The following INSL6 variants were observed in gnomAD, a reference collection of about 807,000 sequenced individuals.
INSL6 encodes the protein insulin-like peptide INSL6.
INSL6 carries 16 observed loss-of-function variants against 9.4 expected under a neutral mutation model. The observed-to-expected ratio is 1.70, with a 90% confidence interval of 1.15 to 2.59. The LOEUF is 2.59. Ranked by LOEUF, INSL6 falls within the 30% of genes most tolerant of loss-of-function variation. The probability of loss-of-function intolerance (pLI) is 0.00; values close to 1 mark genes in which losing one functional copy is unlikely to be tolerated. For synonymous variants in INSL6, 154 were observed against 96.9 expected, an observed-to-expected ratio of 1.59 and a Z score of -3.46; for missense variants, 391 against 257.3, an observed-to-expected ratio of 1.52 and a Z score of -3.56.
At chr9:5,161,884 C>G (rs1824935301), downstream of INSL6, among the ~76,000 whole-genome samples, 1 of 151,752 alleles carries the variant, frequency 6.6e-6, no homozygotes, top group Non-Finnish European at 1.5e-5. Context: ...GCCCGGAGAC[C>G]AGCCTGGGCA....
the INSL6 span, among the ~76,000 whole-genome samples, chr9:5,002,970 A>T: frequency 6.6e-6 from 1 of 151,986 alleles, no homozygotes; most frequent in Non-Finnish European, 1.5e-5. Context: ...CCAGTTGACT[A>T]AGCCACATGT....
the INSL6 span, among the ~76,000 whole-genome samples, chr9:5,005,115 T>TAGG: frequency 2.1e-5 from 2 of 94,556 alleles, no homozygotes; most frequent in African/African-American, 8.8e-5. Flanking sequence ...TTTTTTTTTT[T>TAGG]TTTTTTTTTT....
chr9:5,088,979 C>G, the INSL6 span, among the ~76,000 whole-genome samples: 2 of 152,322 alleles, frequency 1.3e-5, no homozygotes, highest in South Asian at 4.1e-4. Context: ...CACATTCCAT[C>G]CAGATCACTG....
chr9:5,099,439 T>C, the INSL6 span: 5 of 152,216 alleles, frequency 3.3e-5, no homozygotes, highest in Non-Finnish European at 7.3e-5. Context: ...GATCCATTAT[T>C]ATCCTGTCAA....
intron 1 of INSL6, among the ~76,000 whole-genome samples, chr9:5,173,968 A>T (rs1027645155): frequency 1.3e-5 from 2 of 152,132 alleles, no homozygotes; most frequent in Admixed American, 6.5e-5. Flanking sequence ...CCAAATTTTT[A>T]AATTCATCTC....
the INSL6 span, among the ~76,000 whole-genome samples, chr9:5,007,266 C>G: frequency 6.6e-6 from 1 of 152,084 alleles, no homozygotes; most frequent in South Asian, 2.1e-4. Context: ...TTAGTATACA[C>G]TTTTACTGCG....
At chr9:5,101,766 G>C in the INSL6 span, among the ~76,000 whole-genome samples, 2 of 152,190 alleles carry the variant, frequency 1.3e-5, no homozygotes, top group South Asian at 2.1e-4. Context: ...ACAGAGTCTG[G>C]AGTGGACCTC....
At chr9:5,183,909 G>C (rs193104403) in intron 1 of INSL6, among the ~76,000 whole-genome samples, 50 of 152,172 alleles carry the variant, frequency 3.3e-4, no homozygotes, top group Non-Finnish European at 6.3e-4. Context: ...ACTCAGAGTC[G>C]GTAAATTAAC....
intron 3 of INSL6, chr9:5,126,859 TG>T: frequency 1.2e-6 from 1 of 866,230 alleles, no homozygotes. Context: ...CACATTGCTG[TG>T]GACTATTATT....
the INSL6 span, chr9:5,080,834 A>G: frequency 2.1e-6 from 1 of 468,306 alleles, no homozygotes; most frequent in Admixed American, 3.6e-5. Context: ...TTCATGCTTT[A>G]TACATATTCT....
the INSL6 span, among the ~76,000 whole-genome samples, chr9:5,016,231 A>G: frequency 6.6e-6 from 1 of 152,220 alleles, no homozygotes; most frequent in Non-Finnish European, 1.5e-5. Flanking sequence ...GAAGTGAAGT[A>G]TCTCCTGCCT....
At chr9:4,999,960 T>C in the INSL6 span, among the ~76,000 whole-genome samples, 1 of 152,224 alleles carries the variant, frequency 6.6e-6, no homozygotes, top group Admixed American at 6.5e-5. Flanking sequence ...ATTGGCATTC[T>C]TCTTGTTTAC....
chr9:5,085,071 C>G, the INSL6 span: 3 of 688,478 alleles, frequency 4.4e-6, no homozygotes, highest in Non-Finnish European at 8.0e-6. Flanking sequence ...GTTTACTGCT[C>G]TCTCTTATTG....
At chr9:5,044,499 C>A in the INSL6 span, 1 of 1,601,932 alleles carries the variant, frequency 6.2e-7, no homozygotes, top group South Asian at 1.1e-5. Flanking sequence ...ATGACTTTGT[C>A]ATGTCTTACC....
chr9:5,066,820 C>T, the INSL6 span: 1 of 954,002 alleles, frequency 1.0e-6, no homozygotes, highest in Non-Finnish European at 1.5e-6. Context: ...AGTGGTAACA[C>T]TTTATTTAGT....
At chr9:5,153,141 GT>G (rs57869658) in intron 2 of INSL6, among the ~76,000 whole-genome samples, 14,493 of 146,894 alleles carry the variant, frequency 0.099, 2,170 homozygotes, top group African/African-American at 0.33. Context: ...GCTAGCTGCA[GT>G]TTTTTTTTTT....
the INSL6 span, among the ~76,000 whole-genome samples, chr9:5,044,087 C>G: frequency 6.6e-6 from 1 of 152,126 alleles, no homozygotes; most frequent in Non-Finnish European, 1.5e-5. Flanking sequence ...TTTCAGATTC[C>G]CTACTGATGT....
the INSL6 span, among the ~76,000 whole-genome samples, chr9:5,020,677 C>T: frequency 6.6e-6 from 1 of 152,172 alleles, no homozygotes; most frequent in South Asian, 2.1e-4. Flanking sequence ...GCAATGGTGG[C>T]AGCTGTAGGT....
intron 2 of INSL6, among the ~76,000 whole-genome samples, chr9:5,150,020 G>T (rs1824680320): frequency 6.6e-6 from 1 of 152,158 alleles, no homozygotes; most frequent in Non-Finnish European, 1.5e-5. Context: ...TTTAAAAATG[G>T]TGCTAGGAAA....
Sources: allele counts gnomAD v4.1 joint callset (sites outside exome capture counted in the v4.1 genomes callset), GRCh38; gene constraint gnomAD v4.1.1; transcripts MANE v1.5; gene names NCBI Gene and HGNC (gene_info 2026-07-23, HGNC 2026-07-21).